RAB7A: variants seen among roughly 807,000 people sequenced by gnomAD.
The protein encoded by RAB7A is ras-related protein Rab-7a.
A neutral mutation model predicts 24.5 loss-of-function variants in RAB7A; 2 were observed. That is an observed-to-expected ratio of 0.08 (90% CI 0.03 to 0.26). The LOEUF is 0.26. Ranked by LOEUF, RAB7A falls within the 10% of genes least tolerant of loss-of-function variation. The pLI, the probability that RAB7A is intolerant of heterozygous loss-of-function variation, is 1.00. For missense variants in RAB7A, 118 were observed against 255.7 expected (o/e 0.46, Z 3.67); for synonymous variants, 100 against 95.9 (o/e 1.04, Z -0.25).
At chr3:128,770,293 A>G (rs959374556) in intron 1 of RAB7A, among the ~76,000 whole-genome samples, 1 of 152,246 alleles carries the variant, frequency 6.6e-6, no homozygotes, top group South Asian at 2.1e-4. Flanking sequence ...GGCGTGAGCC[A>G]CCACACCCAG....
chr3:128,770,005 CTTT>C (rs766245243), intron 1 of RAB7A, among the ~76,000 whole-genome samples: 4 of 140,772 alleles, frequency 2.8e-5, no homozygotes, highest in Admixed American at 7.2e-5. Context: ...TTCCTTTTTT[CTTT>C]TTTTTTTTTT....
At chr3:128,786,446 A>G (rs1933343933) in intron 1 of RAB7A, among the ~76,000 whole-genome samples, 1 of 152,132 alleles carries the variant, frequency 6.6e-6, no homozygotes, top group South Asian at 2.1e-4. Flanking sequence ...TTGCTTGCCT[A>G]CTTCACTCTG....
chr3:128,758,463 G>A (rs867375568), intron 1 of RAB7A, among the ~76,000 whole-genome samples: 4 of 151,746 alleles, frequency 2.6e-5, no homozygotes, highest in Non-Finnish European at 4.4e-5. Flanking sequence ...TTTTAGTAGA[G>A]ACGGGGTTTC....
intron 1 of RAB7A, among the ~76,000 whole-genome samples, chr3:128,739,841 G>T (rs1049390733): frequency 2.0e-5 from 3 of 152,170 alleles, no homozygotes; most frequent in African/African-American, 7.2e-5. Flanking sequence ...AGGCCAAGGC[G>T]GGTGGATCAC....
At chr3:128,755,055 A>G (rs1337619299) in intron 1 of RAB7A, among the ~76,000 whole-genome samples, 1 of 152,174 alleles carries the variant, frequency 6.6e-6, no homozygotes, top group Non-Finnish European at 1.5e-5. Flanking sequence ...CAACAACAGA[A>G]TGCATCTTCT....
chr3:128,810,076 G>C, intron 5 of RAB7A, among the ~76,000 whole-genome samples: 1 of 150,166 alleles, frequency 6.7e-6, no homozygotes, highest in Non-Finnish European at 1.5e-5. Context: ...AGCCTCCTGA[G>C]TAGCTGGGAT....
intron 3 of RAB7A, among the ~76,000 whole-genome samples, chr3:128,802,851 C>T (rs1222586480): frequency 6.6e-6 from 1 of 152,104 alleles, no homozygotes; most frequent in East Asian, 1.9e-4. Context: ...GTCGCCCAGG[C>T]TGGAGTGCAG....
intron 3 of RAB7A, among the ~76,000 whole-genome samples, chr3:128,801,010 T>C (rs1309067007): frequency 6.6e-6 from 1 of 152,196 alleles, no homozygotes; most frequent in Admixed American, 6.5e-5. Context: ...TCGAGGGCTT[T>C]TAGCAGCTTG....
intron 1 of RAB7A, among the ~76,000 whole-genome samples, chr3:128,750,324 C>T (rs1006959939): frequency 3.9e-5 from 6 of 152,248 alleles, no homozygotes; most frequent in South Asian, 4.1e-4. Flanking sequence ...TGCCATGATG[C>T]GATGTCAGCT....
rs534929636 is a variant in RAB7A, at chr3:128,760,480, G to T, written c.-9+34121G>T. Among the ~76,000 whole-genome samples, 113 of 152,280 alleles carry T rather than the reference G, an allele frequency of 7.4e-4. 2 individuals carry two copies. The highest frequency in any genetic ancestry group is 5.6e-3 in the South Asian group (27 of 4,820). On this transcript the variant is annotated intron_variant, in intron 1 of 5. Coordinates refer to ENST00000265062, the MANE Select transcript of RAB7A (RefSeq NM_004637.6). ...CCCAGAGATAGGTTTTATCTTGGAG[G>T]ATTCTTATATTGATCCTTCCCATAT...
rs887111279 is a variant in RAB7A, at chr3:128,813,341, G to A, written c.543G>A (p.Glu181=). 1.9e-6 allele frequency: 3 copies of A among 1,614,006 alleles called. No homozygotes were observed. The highest frequency in any genetic ancestry group is 2.5e-6 in the Non-Finnish European group (3 of 1,179,960). ...TCCTTGTCCAGGAAACGGAGGTGGA[G>A]CTGTACAACGAATTTCCTGAACCTA... ...RNALKQETEV[E]LYNEFPEPIK... Residue 181 remains glutamate, a synonymous_variant, in exon 6 of 6, where the codon GAG becomes GAA. Coordinates refer to ENST00000265062, the MANE Select transcript of RAB7A (RefSeq NM_004637.6).
intron 1 of RAB7A, among the ~76,000 whole-genome samples, chr3:128,729,555 G>A (rs1231380971): frequency 6.9e-6 from 1 of 144,832 alleles, no homozygotes; most frequent in Non-Finnish European, 1.5e-5. Flanking sequence ...GGGCGACAGA[G>A]CGAGACTTCT....
chr3:128,735,585 C>T (rs140726082), intron 1 of RAB7A, among the ~76,000 whole-genome samples: 3 of 152,280 alleles, frequency 2.0e-5, no homozygotes, highest in African/African-American at 7.2e-5. Flanking sequence ...AAGAGTTGTG[C>T]TTAAACTTTC....
chr3:128,742,046 G>A (rs2107586584), intron 1 of RAB7A, among the ~76,000 whole-genome samples: 1 of 152,246 alleles, frequency 6.6e-6, no homozygotes. Context: ...CTTAAAGATA[G>A]CGTGTCCAGA....
chr3:128,734,237 C>T (rs923256094), intron 1 of RAB7A, among the ~76,000 whole-genome samples: 3 of 152,062 alleles, frequency 2.0e-5, no homozygotes, highest in East Asian at 3.8e-4. Context: ...CAAGACCAGC[C>T]TGGCCAACAT....
intron 1 of RAB7A, among the ~76,000 whole-genome samples, chr3:128,750,818 A>G (rs546782741): frequency 1.3e-5 from 2 of 152,338 alleles, no homozygotes; most frequent in South Asian, 4.1e-4. Flanking sequence ...AGCCCTTCCC[A>G]TCACAGGCCT....
chr3:128,813,481 C>T lies in RAB7A; in HGVS notation c.*59C>T. 1 of 1,450,938 alleles carries T rather than the reference C, an allele frequency of 6.9e-7. No homozygotes were observed. 89.9% of individuals were successfully genotyped at this position (1,450,938 alleles called of 1,614,324 possible). On this transcript the variant is annotated 3_prime_UTR_variant, in exon 6 of 6. Transcript: ENST00000265062. ...CAAACCAAGAACACACGTAGGCCTTCAACACAATTCCCCTCTCCTCTTCCA... is the reference window on the plus strand; with the variant it reads ...CAAACCAAGAACACACGTAGGCCTTTAACACAATTCCCCTCTCCTCTTCCA...
intron 1 of RAB7A, among the ~76,000 whole-genome samples, chr3:128,783,139 C>T (rs1933257655): frequency 6.6e-6 from 1 of 152,180 alleles, no homozygotes; most frequent in Admixed American, 6.5e-5. Context: ...CCTTGCACCA[C>T]AGGCACTACT....
At chr3:128,751,371 G>A (rs1343674462) in intron 1 of RAB7A, among the ~76,000 whole-genome samples, 1 of 152,224 alleles carries the variant, frequency 6.6e-6, no homozygotes, top group Non-Finnish European at 1.5e-5. Context: ...CAGGGGTGGA[G>A]CTGCCCAAGA....
Sources: gnomAD v4.1 joint callset for allele counts (sites outside exome capture counted in the v4.1 genomes callset) on GRCh38, gnomAD v4.1.1 for gene constraint, MANE v1.5 for transcripts, NCBI Gene and HGNC (gene_info 2026-07-23, HGNC 2026-07-21) for gene names.